The following AGO3 variants were observed in gnomAD, a reference collection of about 807,000 sequenced individuals.
The protein encoded by AGO3 is protein argonaute-3.
Under a neutral mutation model 105.5 loss-of-function variants are expected in AGO3, and 16 were observed. That is an observed-to-expected ratio of 0.15 (90% CI 0.10 to 0.23). The LOEUF is 0.23. Ranked by LOEUF, AGO3 falls within the 10% of genes least tolerant of loss-of-function variation. The probability of loss-of-function intolerance (pLI) is 1.00; values close to 1 mark genes in which losing one functional copy is unlikely to be tolerated. For synonymous variants in AGO3, 340 were observed against 367.3 expected (o/e 0.93, Z 0.85); for missense variants, 534 against 1,088.0 (o/e 0.49, Z 7.16).
rs1643048323 is a variant in AGO3 at position 36,063,410 on chromosome 1, T to C, written c.*7665T>C. On this transcript the variant is annotated 3_prime_UTR_variant, in exon 19 of 19. Coordinates refer to ENST00000373191, the MANE Select transcript of AGO3 (RefSeq NM_024852.4). ...CATTGAAACTGCTTAAATGGTCACA[T>C]TTTTCAGCATTAGGATTAAGATACC... is the stretch of plus-strand genomic sequence containing the variant. The C allele has an allele frequency of 6.6e-6, 1 of 152,144 alleles. No individual in the cohort carries two copies. The highest frequency in any genetic ancestry group is 1.5e-5 in the Non-Finnish European group (1 of 68,012). The allele number at this position is 152,144 out of a possible 1,614,324, so 9.4% of individuals were successfully genotyped here.
intron 17 of AGO3, among the ~76,000 whole-genome samples, chr1:36,047,922 G>A (rs141423660): frequency 5.7e-4 from 87 of 152,056 alleles, no homozygotes; most frequent in African/African-American, 2.0e-3. Flanking sequence ...CAAATCTGGG[G>A]AGAAATATAG....
chr1:36,016,953 C>T (rs543329980), intron 11 of AGO3, among the ~76,000 whole-genome samples: 2 of 152,060 alleles, frequency 1.3e-5, no homozygotes, highest in Non-Finnish European at 2.9e-5. Context: ...TTTAAAAATT[C>T]CTCCCTTTTG....
chr1:35,946,210 C>T (rs903493316), intron 2 of AGO3, among the ~76,000 whole-genome samples: 2 of 152,024 alleles, frequency 1.3e-5, no homozygotes, highest in Non-Finnish European at 2.9e-5. Context: ...TCTTATGTAC[C>T]ACTTTCATAA....
At chr1:35,991,518 T>C (rs1032267008) in intron 5 of AGO3, among the ~76,000 whole-genome samples, 2 of 147,906 alleles carry the variant, frequency 1.4e-5, no homozygotes, top group Non-Finnish European at 3.0e-5. Context: ...GAGAATAGGG[T>C]ACCTGGGGAG....
chr1:35,940,584 C>G (rs868859436), intron 1 of AGO3, among the ~76,000 whole-genome samples: 20 of 152,212 alleles, frequency 1.3e-4, no homozygotes, highest in Middle Eastern at 3.4e-3. Flanking sequence ...CTGTAAACTG[C>G]TAGTGGATCC....
At chr1:35,969,093 G>T (rs935295481) in intron 3 of AGO3, among the ~76,000 whole-genome samples, 2 of 151,888 alleles carry the variant, frequency 1.3e-5, no homozygotes, top group African/African-American at 4.8e-5. Context: ...TTTGAACTGG[G>T]TTGTTTGTTT....
At chr1:36,053,283 T>A (rs1642792127) in intron 17 of AGO3, among the ~76,000 whole-genome samples, 1 of 152,032 alleles carries the variant, frequency 6.6e-6, no homozygotes, top group Non-Finnish European at 1.5e-5. Context: ...TATTTTTATT[T>A]ATTTATTTAC....
rs566141121 is a variant in AGO3, at chr1:36,061,489, G to T, written c.*5744G>T. On this transcript the variant is annotated 3_prime_UTR_variant, in exon 19 of 19. Transcript: ENST00000373191. Reference sequence around the variant, plus strand: ...ATATGGAAGTTAAAGATTTTAATTTGAATTAAAGATAGAAGGATGGTAAAT... The same window carrying T: ...ATATGGAAGTTAAAGATTTTAATTTTAATTAAAGATAGAAGGATGGTAAAT... The T allele has an allele frequency of 6.6e-6, 1 of 152,238 alleles. No individual in the cohort carries two copies. Among genetic ancestry groups the T allele is most frequent in the African/African-American group, 2.4e-5 (1 of 41,544 alleles). 9.4% of individuals were successfully genotyped at this position (152,238 alleles called of 1,614,324 possible).
At chr1:35,938,347 A>G (rs1382475657) in intron 1 of AGO3, among the ~76,000 whole-genome samples, 1 of 152,144 alleles carries the variant, frequency 6.6e-6, no homozygotes, top group Non-Finnish European at 1.5e-5. Context: ...TAAAAAACAA[A>G]CGATATAAGA....
intron 5 of AGO3, among the ~76,000 whole-genome samples, chr1:35,975,819 GTGT>G (rs1298220913): frequency 6.6e-6 from 1 of 151,852 alleles, no homozygotes; most frequent in Non-Finnish European, 1.5e-5. Context: ...CATATTTAAG[GTGT>G]TGTCTTTTCT....
chr1:36,060,413 T>C lies in AGO3; in HGVS notation c.*4668T>C, dbSNP rs182706713. On this transcript the variant is annotated 3_prime_UTR_variant, in exon 19 of 19. Transcript: ENST00000373191. ...GCATGCCAGTGATGGATCCGAAGTA[T>C]TTAGATGGATTGCAGACCAGGAATT... The C allele has an allele frequency of 8.5e-5, 13 of 152,368 alleles. No individual in the cohort carries two copies. Among genetic ancestry groups the C allele is most frequent in the Admixed American group, 1.3e-4 (2 of 15,304 alleles). 9.4% of individuals were successfully genotyped at this position (152,368 alleles called of 1,614,324 possible). A position where few individuals can be genotyped will look rare whatever the true frequency, so the allele number is the denominator to read the frequency against.
chr1:35,967,286 G>A (rs1006640695), intron 3 of AGO3, among the ~76,000 whole-genome samples: 1 of 152,040 alleles, frequency 6.6e-6, no homozygotes, highest in Admixed American at 6.5e-5. Context: ...GCTTCACTGA[G>A]GTTCTGAACA....
At position 36,058,327 on chromosome 1, in the gene AGO3, T is replaced by TA. The variant is rs1642982899; in HGVS notation, c.*2582_*2583insA. 6.6e-6 allele frequency: 1 copy of TA among 152,208 alleles called. No individual in the cohort carries two copies. Among genetic ancestry groups the TA allele is most frequent in the Non-Finnish European group, 1.5e-5 (1 of 68,034 alleles). 9.4% of individuals were successfully genotyped at this position (152,208 alleles called of 1,614,324 possible). A position where few individuals can be genotyped will look rare whatever the true frequency, so the allele number is the denominator to read the frequency against. ...AATTGTTTTACAAAACTTTTATTGATTACACTTTAAGGTATTAAAAAGTAC... is the reference window on the plus strand; with the variant it reads ...AATTGTTTTACAAAACTTTTATTGATATACACTTTAAGGTATTAAAAAGTAC... On this transcript the variant is annotated 3_prime_UTR_variant, in exon 19 of 19. Transcript: ENST00000373191.
intron 11 of AGO3, among the ~76,000 whole-genome samples, chr1:36,020,322 T>C (rs1368839163): frequency 6.6e-6 from 1 of 152,224 alleles, no homozygotes; most frequent in African/African-American, 2.4e-5. Flanking sequence ...ATTATGTATC[T>C]TAATAGTTTC....
intron 2 of AGO3, among the ~76,000 whole-genome samples, chr1:35,960,349 G>A (rs965011941): frequency 6.6e-6 from 1 of 152,046 alleles, no homozygotes; most frequent in Non-Finnish European, 1.5e-5. Context: ...AAAATCTGCT[G>A]GATGCCCATA....
At chr1:35,951,954 A>T (rs571244342) in intron 2 of AGO3, among the ~76,000 whole-genome samples, 78 of 152,058 alleles carry the variant, frequency 5.1e-4, no homozygotes, top group Non-Finnish European at 8.4e-4. Flanking sequence ...GCCAGAGAGG[A>T]TGTACAGCCG....
chr1:35,948,810 A>AT (rs36047922), intron 2 of AGO3, among the ~76,000 whole-genome samples: 1 of 152,000 alleles, frequency 6.6e-6, no homozygotes, highest in Admixed American at 6.5e-5. Context: ...TTTATCTTAC[A>AT]TTTTTTTGAC....
intron 6 of AGO3, among the ~76,000 whole-genome samples, chr1:36,005,374 A>G (rs1277106174): frequency 6.6e-6 from 1 of 152,234 alleles, no homozygotes; most frequent in Non-Finnish European, 1.5e-5. Flanking sequence ...ATTCTTCGCC[A>G]TTCAGTAACC....
chr1:35,959,251 A>T (rs1351722617), intron 2 of AGO3, among the ~76,000 whole-genome samples: 1 of 152,180 alleles, frequency 6.6e-6, no homozygotes, highest in African/African-American at 2.4e-5. Flanking sequence ...AAGAGTTGGT[A>T]TCAGAATGTA....
Sources: allele counts gnomAD v4.1 joint callset (sites outside exome capture counted in the v4.1 genomes callset), GRCh38; gene constraint gnomAD v4.1.1; transcripts MANE v1.5; gene names NCBI Gene and HGNC (gene_info 2026-07-23, HGNC 2026-07-21).